Variants in TDO2 observed in about 807,000 individuals in gnomAD.
TDO2 encodes the protein tryptophan 2,3-dioxygenase, also known as tryptamin 2,3-dioxygenase.
Under a neutral mutation model 61.2 loss-of-function variants are expected in TDO2, and 63 were observed. The observed-to-expected ratio is 1.03, with a 90% CI of 0.84 to 1.27. The LOEUF (loss-of-function observed/expected upper bound fraction) is 1.27. Ranked by LOEUF, TDO2 falls within the 50% of genes most tolerant of loss-of-function variation. The pLI is 0.00. For missense variants in TDO2, 494 were observed against 469.5 expected, an observed-to-expected ratio of 1.05 and a Z score of -0.48; for synonymous variants, 183 against 164.0, an observed-to-expected ratio of 1.12 and a Z score of -0.89.
At chr4:155,912,907 A>AT (rs1742861862) in intron 7 of TDO2, among the ~76,000 whole-genome samples, 2 of 152,012 alleles carry the variant, frequency 1.3e-5, no homozygotes, top group Admixed American at 6.5e-5. Flanking sequence ...GCATTAAAGA[A>AT]TTTTTTCTCC....
chr4:155,903,919 C>T, intron 1 of TDO2, 99 bp from the exon 2 acceptor site: 4 of 1,500,376 alleles, frequency 2.7e-6, no homozygotes, highest in Non-Finnish European at 3.7e-6. Context: ...ACAATCTACT[C>T]TAAAGAAAAT....
At chr4:155,918,090 A>T in intron 10 of TDO2, 59 bp from the exon 11 acceptor site, 1 of 1,524,468 alleles carries the variant, frequency 6.6e-7, no homozygotes, top group Non-Finnish European at 9.0e-7. Flanking sequence ...TCATTGTTAG[A>T]ACATTGTGGA....
chr4:155,904,046 G>A lies in TDO2; in HGVS notation c.64G>A (p.Gly22Ser), dbSNP rs1400322713. Residue 22 changes from glycine (G) to serine (S), a missense_variant, in exon 2 of 12, where the codon GGC (glycine) becomes AGC (serine). Gly to Ser is a moderately conservative substitution (Grantham distance 56). Transcript: ENST00000536354. Reference protein sequence around the residue: ...GYTFKKLPVEGSEEDKSQTGV... With the variant: ...GYTFKKLPVESSEEDKSQTGV... Reference sequence around the variant, plus strand: ...TACTTTTAAAAAACTCCCCGTAGAAGGCAGCGAAGAAGACAAATCACAAAC... The same window carrying A: ...TACTTTTAAAAAACTCCCCGTAGAAAGCAGCGAAGAAGACAAATCACAAAC... 8 of 1,613,892 alleles carry A rather than the reference G, an allele frequency of 5.0e-6. No homozygotes were observed. Among genetic ancestry groups the A allele is most frequent in the Non-Finnish European group, 5.9e-6 (7 of 1,179,992 alleles).
Position 155,908,918 on chromosome 4 carries a change from T to C in TDO2, c.335T>C (p.Val112Ala). 6.2e-7 allele frequency: 1 copy of C among 1,612,814 alleles called. No homozygotes were observed. The highest frequency in any genetic ancestry group is 1.3e-5 in the African/African-American group (1 of 74,990). Residue 112 changes from valine (V) to alanine (A), a missense_variant, in exon 5 of 12, where the codon GTT becomes GCT. Coordinates refer to ENST00000536354, the MANE Select transcript of TDO2 (RefSeq NM_005651.4). ...GATGAAAGGAACATGCTTAAGGTTG[T>C]TTCTCGGATGCACCGAGTGTCAGTG... ...VRDERNMLKV[V>A]SRMHRVSVIL...
chr4:155,906,194 T>C (rs1396551948), intron 3 of TDO2: 1 of 152,054 alleles, frequency 6.6e-6, no homozygotes, highest in African/African-American at 2.4e-5. Flanking sequence ...GGAAGATAAA[T>C]AAGATAATGT....
At chr4:155,907,304 A>C (rs991727574) in intron 3 of TDO2, 5 of 155,198 alleles carry the variant, frequency 3.2e-5, no homozygotes, top group African/African-American at 1.2e-4. Context: ...TCAAGTTCTT[A>C]AAATCCTACA....
chr4:155,914,796 G>A lies in TDO2; in HGVS notation c.838+362G>A, dbSNP rs112465293. Among the ~76,000 whole-genome samples the A allele has an allele frequency of 2.3e-3, 354 of 152,230 alleles. 2 individuals are homozygous for A. The highest frequency in any genetic ancestry group is 8.0e-3 in the African/African-American group (333 of 41,560). ...GTAAGAAAAGGAAGGAATAGCTACC[G>A]TGAGAGCAAGTATTGATGTCGCCCC... On this transcript the variant is annotated intron_variant, in intron 8 of 11. Transcript: ENST00000536354.
chr4:155,915,067 A>G (rs940265244), intron 8 of TDO2, among the ~76,000 whole-genome samples: 1 of 152,152 alleles, frequency 6.6e-6, no homozygotes, highest in Non-Finnish European at 1.5e-5. Flanking sequence ...CCAAGATACC[A>G]GGAAAAGCAT....
chr4:155,912,450 TCTTAA>T (rs1183411260), intron 7 of TDO2, among the ~76,000 whole-genome samples: 14 of 152,126 alleles, frequency 9.2e-5, no homozygotes, highest in Non-Finnish European at 8.8e-5. Context: ...CCATTTTTAA[TCTTAA>T]CTTAGTTGAC....
chr4:155,906,182 T>C (rs1470351945), intron 3 of TDO2: 1 of 152,144 alleles, frequency 6.6e-6, no homozygotes, highest in African/African-American at 2.4e-5. Flanking sequence ...ACAGAGTTCC[T>C]AGGAAGATAA....
chr4:155,917,311 C>A, intron 9 of TDO2, 84 bp from the exon 10 acceptor site: 1 of 1,134,428 alleles, frequency 8.8e-7, no homozygotes, highest in Non-Finnish European at 1.2e-6. Context: ...GTTTCCAGGG[C>A]CAACTGATTG....
At position 155,917,475 on chromosome 4, in the gene TDO2, GT is replaced by G. The variant is rs1490903728; in HGVS notation, c.976+2del. Reference sequence around the variant, plus strand: ...GATTCACTGATGACCAAATGGAGATGTAAGTCCTTCCCACTCACCCCATGTT... The same window carrying G: ...GATTCACTGATGACCAAATGGAGATGAAGTCCTTCCCACTCACCCCATGTT... On this transcript the variant is annotated splice_donor_variant, in intron 10 of 11. Coordinates refer to ENST00000536354, the MANE Select transcript of TDO2 (RefSeq NM_005651.4). LOFTEE classifies it high-confidence loss of function. 2 of 1,607,610 alleles carry G rather than the reference GT, an allele frequency of 1.2e-6. No individual in the cohort carries two copies. Among genetic ancestry groups the G allele is most frequent in the African/African-American group, 2.7e-5 (2 of 74,536 alleles).
At position 155,914,431 on chromosome 4, in the gene TDO2, A is replaced by C; in HGVS notation, c.835A>C (p.Lys279Gln). 6.3e-7 allele frequency: 1 copy of C among 1,579,698 alleles called. No homozygotes were observed. The highest frequency in any genetic ancestry group is 8.6e-7 in the Non-Finnish European group (1 of 1,169,216). ...DEKRHEHLLS[K>Q]GERRLSYRAL... The stretch of plus-strand genomic sequence containing the variant: ...GAAACGTCATGAACATCTCCTTAGT[A>C]AAGGCAGGTATTTTTACTTTATGAA... The change falls in exon 8 of 12, where the codon AAA (lysine) becomes CAA (glutamine). Residue 279 changes from lysine to glutamine, a missense_variant. Transcript: ENST00000536354.
rs202180389 is a variant in TDO2 at position 155,904,014 on chromosome 4, G to T, written c.36-4G>T. 13 of 1,611,528 alleles carry T rather than the reference G, an allele frequency of 8.1e-6. No individual in the cohort carries two copies. Among genetic ancestry groups the T allele is most frequent in the Non-Finnish European group, 1.0e-5 (12 of 1,177,966 alleles). ...TTTTCCCTCTTGATTTATTAAATTTGCAGATATACTTTTAAAAAACTCCCC... is the reference window on the plus strand; with the variant it reads ...TTTTCCCTCTTGATTTATTAAATTTTCAGATATACTTTTAAAAAACTCCCC... On this transcript the variant is annotated splice_region_variant and splice_polypyrimidine_tract_variant and intron_variant, in intron 1 of 11. Transcript: ENST00000536354.
chr4:155,917,276 C>T (rs1436710935), intron 9 of TDO2, 119 bp from the exon 10 acceptor site: 4 of 715,642 alleles, frequency 5.6e-6, no homozygotes, highest in Non-Finnish European at 9.0e-6. Flanking sequence ...GCTGCCACAG[C>T]TCCTCACAGG....
rs545019263 is a variant in TDO2 at position 155,920,352 on chromosome 4, A to G, written c.*362A>G. The G allele has an allele frequency of 8.8e-5, 15 of 170,982 alleles. No homozygotes were observed. Among genetic ancestry groups the G allele is most frequent in the African/African-American group, 3.3e-4 (14 of 42,054 alleles). 10.6% of individuals were successfully genotyped at this position (170,982 alleles called of 1,614,324 possible). Reference sequence around the variant, plus strand: ...TGCAGTACATTATATTATTCTGTACAAAGGCTTTCAAACAAAATTTTTAAA... The same window carrying G: ...TGCAGTACATTATATTATTCTGTACGAAGGCTTTCAAACAAAATTTTTAAA... On this transcript the variant is annotated 3_prime_UTR_variant, in exon 12 of 12. Transcript: ENST00000536354.
At chr4:155,908,843 G>A (rs1410548321) in intron 4 of TDO2, 44 bp from the exon 5 acceptor site, 2 of 1,553,064 alleles carry the variant, frequency 1.3e-6, no homozygotes, top group Admixed American at 2.0e-5. Context: ...GTATTTTCTA[G>A]AGGTCAGCAT....
At chr4:155,910,878 G>T (rs13434811) in intron 6 of TDO2, among the ~76,000 whole-genome samples, 17,791 of 152,000 alleles carry the variant, frequency 0.12, 1,165 homozygotes, top group South Asian at 0.17. Flanking sequence ...AATAATGGCA[G>T]ATAAGAATAG....
At chr4:155,915,793 C>A in intron 8 of TDO2, 62 bp from the exon 9 acceptor site, 5 of 1,430,854 alleles carry the variant, frequency 3.5e-6, no homozygotes, top group East Asian at 4.8e-5. Flanking sequence ...ATGACGATGC[C>A]AAATTAATAC....
Sources: allele counts gnomAD v4.1 joint callset (sites outside exome capture counted in the v4.1 genomes callset), GRCh38; gene constraint gnomAD v4.1.1; transcripts MANE v1.5; gene names NCBI Gene and HGNC (gene_info 2026-07-23, HGNC 2026-07-21).